The following MAST2 variants were observed in gnomAD, a reference collection of about 807,000 sequenced individuals.
MAST2 encodes microtubule-associated serine/threonine-protein kinase 2.
MAST2 carries 70 observed loss-of-function variants against 147.4 expected under a neutral mutation model. The ratio of observed to expected loss-of-function variants is 0.47; its 90% CI spans 0.39 to 0.58. MAST2 has a LOEUF of 0.58. MAST2 is among the 20% of genes least tolerant of loss of function. The pLI is 0.00. For synonymous variants in MAST2, 869 were observed against 896.8 expected (o/e 0.97, Z 0.55); for missense variants, 2,080 against 2,302.3 (o/e 0.90, Z 1.98).
intron 5 of MAST2, 148 bp downstream of exon 5, chr1:45,959,625 T>C: frequency 1.5e-6 from 1 of 652,960 alleles, no homozygotes; most frequent in Non-Finnish European, 2.6e-6. Flanking sequence ...GGGCTTGCTT[T>C]CTGTACGAGA....
At chr1:45,941,459 C>T (rs910403031) in intron 4 of MAST2, among the ~76,000 whole-genome samples, 2 of 152,150 alleles carry the variant, frequency 1.3e-5, no homozygotes, top group Non-Finnish European at 2.9e-5. Flanking sequence ...GGGGTTTCAC[C>T]ATCTTGGCCA....
intron 4 of MAST2, among the ~76,000 whole-genome samples, chr1:45,911,464 G>GA (rs1474177771): frequency 6.6e-6 from 1 of 152,158 alleles, no homozygotes; most frequent in East Asian, 1.9e-4. Flanking sequence ...GAGCAGGCTA[G>GA]AAAGAATCCA....
At chr1:45,857,379 G>A (rs1645823407) in intron 3 of MAST2, among the ~76,000 whole-genome samples, 1 of 152,152 alleles carries the variant, frequency 6.6e-6, no homozygotes, top group Admixed American at 6.5e-5. Flanking sequence ...TTTACCCTGA[G>A]GAGCATATTT....
At chr1:45,875,945 C>T (rs1646587864) in intron 3 of MAST2, among the ~76,000 whole-genome samples, 1 of 152,046 alleles carries the variant, frequency 6.6e-6, no homozygotes, top group Non-Finnish European at 1.5e-5. Context: ...ACTAAAAGGA[C>T]AGTCCCCATT....
intron 3 of MAST2, among the ~76,000 whole-genome samples, chr1:45,838,584 A>G (rs1188889554): frequency 6.6e-6 from 1 of 151,764 alleles, no homozygotes; most frequent in Non-Finnish European, 1.5e-5. Context: ...TGTCTATTTA[A>G]AAAAAAATTT....
chr1:45,806,913 G>T (rs1644159262), intron 1 of MAST2, among the ~76,000 whole-genome samples: 1 of 152,124 alleles, frequency 6.6e-6, no homozygotes, highest in Non-Finnish European at 1.5e-5. Context: ...TTACCATGTT[G>T]CTCAGGCTAG....
chr1:45,896,560 A>AG (rs1648766388), intron 4 of MAST2, among the ~76,000 whole-genome samples: 1 of 152,110 alleles, frequency 6.6e-6, no homozygotes, highest in Non-Finnish European at 1.5e-5. Flanking sequence ...CCCCAGGTGT[A>AG]GGGTGGAACT....
At chr1:46,012,171 A>C (rs1032228558) in intron 10 of MAST2, among the ~76,000 whole-genome samples, 1 of 152,238 alleles carries the variant, frequency 6.6e-6, no homozygotes, top group African/African-American at 2.4e-5. Flanking sequence ...CCAGCAATGG[A>C]AAGGGGTACC....
chr1:45,810,371 G>T (rs562138729), intron 1 of MAST2, among the ~76,000 whole-genome samples: 1 of 152,186 alleles, frequency 6.6e-6, no homozygotes, highest in Non-Finnish European at 1.5e-5. Context: ...GCATAGGGCA[G>T]AAAGCACACA....
intron 3 of MAST2, among the ~76,000 whole-genome samples, chr1:45,843,105 A>G (rs781383784): frequency 1.6e-4 from 25 of 151,986 alleles, no homozygotes; most frequent in Non-Finnish European, 3.1e-4. Flanking sequence ...AAAAATGTCT[A>G]TACAAGTCCT....
intron 3 of MAST2, among the ~76,000 whole-genome samples, chr1:45,852,669 C>G (rs1045252049): frequency 6.6e-6 from 1 of 151,814 alleles, no homozygotes; most frequent in Admixed American, 6.6e-5. Context: ...CTATGCCTGG[C>G]CTTTATGTGA....
chr1:45,953,184 AAAAAC>A (rs1252485588), intron 4 of MAST2, among the ~76,000 whole-genome samples: 2 of 152,052 alleles, frequency 1.3e-5, no homozygotes, highest in African/African-American at 2.4e-5. Flanking sequence ...TAGGACAGAA[AAAAAC>A]AAAACAATAT....
At chr1:45,809,001 A>G (rs1644217729) in intron 1 of MAST2, among the ~76,000 whole-genome samples, 1 of 152,168 alleles carries the variant, frequency 6.6e-6, no homozygotes, top group South Asian at 2.1e-4. Context: ...TTCTCTCATT[A>G]GTAAGTTCTT....
intron 5 of MAST2, among the ~76,000 whole-genome samples, chr1:45,994,815 CAGG>C (rs990873110): frequency 6.6e-6 from 1 of 151,668 alleles, no homozygotes; most frequent in African/African-American, 2.4e-5. Context: ...TCTAGGTTGG[CAGG>C]AGAATAGCCA....
intron 4 of MAST2, among the ~76,000 whole-genome samples, chr1:45,956,637 T>C (rs1659700211): frequency 6.6e-6 from 1 of 152,228 alleles, no homozygotes; most frequent in African/African-American, 2.4e-5. Context: ...CTACATCCGA[T>C]ACAGCTTAGT....
intron 5 of MAST2, among the ~76,000 whole-genome samples, chr1:45,987,343 A>T (rs1644666926): frequency 6.6e-6 from 1 of 152,066 alleles, no homozygotes; most frequent in African/African-American, 2.4e-5. Flanking sequence ...TTTTTGAGAC[A>T]GGGTCTGTCA....
At position 46,035,474 on chromosome 1, in the gene MAST2, T is replaced by G; in HGVS notation, c.4805T>G (p.Leu1602Arg). The G allele has an allele frequency of 1.2e-6, 2 of 1,613,082 alleles. No homozygotes were observed. The highest frequency in any genetic ancestry group is 1.7e-6 in the Non-Finnish European group (2 of 1,179,916). ...AGCTCCTCCTCAGCAGGCCCCAACC[T>G]AGGTCAGTCTGGAGCCACAGACCCC... is the stretch of plus-strand genomic sequence containing the variant. The part of the protein sequence containing the change: ...AASSSSAGPN[L>R]GQSGATDPIP... The change falls in exon 29 of 29, where the codon CTA (leucine) becomes CGA (arginine). Residue 1602 changes from leucine to arginine, a missense_variant. Coordinates refer to ENST00000361297, the MANE Select transcript of MAST2 (RefSeq NM_015112.3). The surrounding 1 kb of genome is among the most constrained non-coding windows in gnomAD (Gnocchi z 5.5).
chr1:45,906,875 A>G (rs1467568162), intron 4 of MAST2, among the ~76,000 whole-genome samples: 2 of 136,260 alleles, frequency 1.5e-5, no homozygotes, highest in Admixed American at 7.8e-5. Flanking sequence ...TGCCCTATAC[A>G]AGTGTACCAT....
rs770069959 is a variant in MAST2 at position 45,899,307 on chromosome 1, C to CTTTTTTTTTTTT, written c.500+16921_500+16932dup. Among the ~76,000 whole-genome samples, 247 of 107,738 alleles carry CTTTTTTTTTTTT rather than the reference C, an allele frequency of 2.3e-3. 17 individuals carry two copies. The highest frequency in any genetic ancestry group is 3.4e-3 in the East Asian group (12 of 3,556). The allele number at this position is 107,738 out of a possible 152,430, so 70.7% of individuals were successfully genotyped here. The stretch of plus-strand genomic sequence containing the variant: ...GCCAAAAATATTTTTCCTTTCTTTT[C>CTTTTTTTTTTTT]TTTTTTTTTTTTTTTTTTTTAGATT... On this transcript the variant is annotated intron_variant, in intron 4 of 28. Transcript: ENST00000361297.
Sources: allele counts gnomAD v4.1 joint callset (sites outside exome capture counted in the v4.1 genomes callset), GRCh38; gene constraint gnomAD v4.1.1; non-coding constraint Gnocchi (gnomAD v3.1); transcripts MANE v1.5; gene names NCBI Gene and HGNC (gene_info 2026-07-23, HGNC 2026-07-21).